PPFIA1: variants seen among roughly 807,000 people sequenced by gnomAD.
The protein encoded by PPFIA1 is PPFI scaffold protein A1.
In PPFIA1, 25 loss-of-function variants were observed where a neutral mutation model predicts 149.9. That is an observed-to-expected ratio of 0.17 (90% CI 0.12 to 0.23). The LOEUF (loss-of-function observed/expected upper bound fraction) is 0.23, where lower values mean the gene tolerates loss of function less well. PPFIA1 is among the 10% of genes least tolerant of loss of function. PPFIA1 has a pLI of 1.00. For synonymous variants in PPFIA1, 549 were observed against 552.8 expected, an observed-to-expected ratio of 0.99 and a Z score of 0.10; for missense variants, 1,362 against 1,506.5, an observed-to-expected ratio of 0.90 and a Z score of 1.59.
At chr11:70,357,630 A>T (rs2056420455) in intron 19 of PPFIA1, among the ~76,000 whole-genome samples, 1 of 148,298 alleles carries the variant, frequency 6.7e-6, no homozygotes, top group Non-Finnish European at 1.5e-5. Context: ...TCTGTCACCC[A>T]CGCTGGAGTG....
intron 2 of PPFIA1, among the ~76,000 whole-genome samples, chr11:70,312,449 C>A (rs189929602): frequency 7.2e-5 from 11 of 152,244 alleles, no homozygotes; most frequent in African/African-American, 1.9e-4. Flanking sequence ...CCCGAGCCCC[C>A]CAAAGTGCTG....
intron 2 of PPFIA1, among the ~76,000 whole-genome samples, chr11:70,283,405 A>G (rs962366252): frequency 1.3e-5 from 2 of 152,094 alleles, no homozygotes; most frequent in Non-Finnish European, 2.9e-5. Flanking sequence ...CTCTCTCCCA[A>G]TCTGCCAATC....
At chr11:70,382,185 G>A (rs1449905897) in intron 27 of PPFIA1, 27 bp downstream of exon 27, 12 of 1,585,558 alleles carry the variant, frequency 7.6e-6, no homozygotes, top group Non-Finnish European at 9.5e-6. Context: ...ACAACCCCTA[G>A]AGATGGCTCA....
At chr11:70,292,228 C>G (rs376059828) in intron 2 of PPFIA1, among the ~76,000 whole-genome samples, 2 of 152,226 alleles carry the variant, frequency 1.3e-5, no homozygotes, top group East Asian at 3.9e-4. Flanking sequence ...AAGTGACCCC[C>G]CTGCCTAGGC....
intron 16 of PPFIA1, among the ~76,000 whole-genome samples, chr11:70,353,814 G>A (rs2056206637): frequency 6.6e-6 from 1 of 152,152 alleles, no homozygotes; most frequent in African/African-American, 2.4e-5. Flanking sequence ...GACAAAAAAG[G>A]TATTTGACAA....
At chr11:70,348,541 A>G in intron 16 of PPFIA1, 121 bp downstream of exon 16, 1 of 818,924 alleles carries the variant, frequency 1.2e-6, no homozygotes. Context: ...GTTCAAGATT[A>G]TAAAAACTAG....
rs901937901 is a variant in PPFIA1, at chr11:70,270,726, C to G, written c.-189C>G. On this transcript the variant is annotated 5_prime_UTR_variant, in exon 1 of 28. Coordinates refer to ENST00000253925, the MANE Select transcript of PPFIA1 (RefSeq NM_003626.5). ...CCGCGCAGCCGGGCCCGCTCCTCCT[C>G]CGCTCCGCCAGTGTCCGGCCGCGGG... The G allele has an allele frequency of 6.6e-6, 1 of 151,028 alleles. No homozygotes were observed. The highest frequency in any genetic ancestry group is 1.5e-5 in the Non-Finnish European group (1 of 67,662). The allele number at this position is 151,028 out of a possible 1,614,324, so 9.4% of individuals were successfully genotyped here. A position where few individuals can be genotyped will look rare whatever the true frequency, so the allele number is the denominator to read the frequency against.
intron 2 of PPFIA1, among the ~76,000 whole-genome samples, chr11:70,316,525 C>A (rs956435711): frequency 6.6e-6 from 1 of 152,228 alleles, no homozygotes; most frequent in Non-Finnish European, 1.5e-5. Context: ...GGAATTGTAA[C>A]ATGGCCAAGT....
At chr11:70,310,889 G>A (rs900439172) in intron 2 of PPFIA1, among the ~76,000 whole-genome samples, 10 of 152,110 alleles carry the variant, frequency 6.6e-5, no homozygotes, top group Non-Finnish European at 1.3e-4. Context: ...CAAGGACCCA[G>A]TATCGGGAGA....
intron 3 of PPFIA1, 105 bp downstream of exon 3, chr11:70,324,608 C>A: frequency 1.0e-6 from 1 of 997,620 alleles, no homozygotes; most frequent in Non-Finnish European, 1.5e-6. Context: ...GCCTGAAATA[C>A]TTTTCATACC....
chr11:70,344,115 C>A (rs1328521648), intron 15 of PPFIA1, among the ~76,000 whole-genome samples: 1 of 152,246 alleles, frequency 6.6e-6, no homozygotes, highest in Admixed American at 6.5e-5. Flanking sequence ...GCACTAGTAC[C>A]TTTCTGTAGG....
chr11:70,337,568 C>G (rs1352668888), intron 12 of PPFIA1, 141 bp downstream of exon 12: 2 of 553,234 alleles, frequency 3.6e-6, no homozygotes. Flanking sequence ...CTAGCACTCT[C>G]AGGCTTGTAT....
intron 2 of PPFIA1, among the ~76,000 whole-genome samples, chr11:70,284,258 G>A (rs1378248524): frequency 2.0e-5 from 3 of 152,174 alleles, no homozygotes; most frequent in African/African-American, 7.2e-5. Flanking sequence ...GTAGTAGTTG[G>A]CAAAACACCT....
At chr11:70,306,979 A>G (rs1313659414) in intron 2 of PPFIA1, among the ~76,000 whole-genome samples, 1 of 152,182 alleles carries the variant, frequency 6.6e-6, no homozygotes, top group Admixed American at 6.5e-5. Context: ...CTCCCAGCAG[A>G]TGGCCAGACA....
chr11:70,277,060 A>AATATATATATATATATATATATTT (rs2050438033), intron 2 of PPFIA1, among the ~76,000 whole-genome samples: 2 of 66,328 alleles, frequency 3.0e-5, no homozygotes, highest in African/African-American at 2.3e-4. Flanking sequence ...ATATATATAT[A>AATATATATATATATATATATATTT]TTTTTTTTTT....
chr11:70,273,103 C>T (rs2050187867), intron 2 of PPFIA1, among the ~76,000 whole-genome samples: 2 of 152,140 alleles, frequency 1.3e-5, no homozygotes, highest in South Asian at 4.1e-4. Context: ...CATGGCAAAA[C>T]CCTGTCTCTA....
At position 70,375,026 on chromosome 11, in the gene PPFIA1, C is replaced by G; in HGVS notation, c.3248C>G (p.Ala1083Gly). Reference protein sequence around the residue: ...IESGVHGALLALDETFDFSAL... With the variant: ...IESGVHGALLGLDETFDFSAL... ...AGTGGTGTTCACGGAGCACTTCTGG[C>G]CTTAGATGAAACCTTCGACTTCAGT... The change falls in exon 24 of 28, where the codon GCC (alanine) becomes GGC (glycine). Residue 1083 changes from alanine to glycine, a missense_variant. Transcript: ENST00000253925. The G allele has an allele frequency of 2.5e-6, 4 of 1,613,834 alleles. No individual in the cohort carries two copies. Among genetic ancestry groups the G allele is most frequent in the East Asian group, 2.2e-5 (1 of 44,862 alleles).
chr11:70,332,320 C>T (rs1032218195), intron 9 of PPFIA1, among the ~76,000 whole-genome samples: 4 of 152,080 alleles, frequency 2.6e-5, no homozygotes, highest in African/African-American at 9.7e-5. Context: ...TACTATTTGT[C>T]CACGGCATGT....
intron 2 of PPFIA1, among the ~76,000 whole-genome samples, chr11:70,290,534 C>G (rs537846843): frequency 6.6e-6 from 1 of 152,196 alleles, no homozygotes; most frequent in Non-Finnish European, 1.5e-5. Context: ...GGATTTTTTT[C>G]CCCTGTAGCT....
Sources: allele counts gnomAD v4.1 joint callset (sites outside exome capture counted in the v4.1 genomes callset), GRCh38; gene constraint gnomAD v4.1.1; transcripts MANE v1.5; gene names NCBI Gene and HGNC (gene_info 2026-07-23, HGNC 2026-07-21).